The following ST6GALNAC3 variants were observed in gnomAD, a reference collection of about 807,000 sequenced individuals.
The protein encoded by ST6GALNAC3 is ST6 N-acetylgalactosaminide alpha-2,6-sialyltransferase 3, also known as alpha-N-acetylgalactosaminide alpha-2,6-sialyltransferase 3.
ST6GALNAC3 carries 25 observed loss-of-function variants against 32.7 expected under a neutral mutation model. That is an observed-to-expected ratio of 0.76 (90% CI 0.56 to 1.07). The LOEUF is 1.07. ST6GALNAC3 is among the 50% of genes least tolerant of loss of function. The pLI is 0.00. For missense variants in ST6GALNAC3, 355 were observed against 382.4 expected, an observed-to-expected ratio of 0.93 and a Z score of 0.60; for synonymous variants, 129 against 133.1, an observed-to-expected ratio of 0.97 and a Z score of 0.21.
intron 3 of ST6GALNAC3, among the ~76,000 whole-genome samples, chr1:76,597,812 G>A (rs1013724858): frequency 4.6e-5 from 7 of 152,088 alleles, no homozygotes; most frequent in Non-Finnish European, 7.4e-5. Flanking sequence ...GGTCTACACC[G>A]TTTCCAATGA....
rs149730634 is a variant in ST6GALNAC3 at position 76,374,767 on chromosome 1, A to G, written c.214-37241A>G. ...CTTAATTTTACATTAATATTGACAC[A>G]CATCCACCCAGACCCATATTAAATT... On this transcript the variant is annotated intron_variant, in intron 2 of 4. Transcript: ENST00000328299. Among the ~76,000 whole-genome samples the G allele has an allele frequency of 6.3e-3, 966 of 152,272 alleles. 11 individuals carry two copies. Among genetic ancestry groups the G allele is most frequent in the Admixed American group, 0.017 (264 of 15,288 alleles).
chr1:76,514,832 T>C (rs1019138081), intron 3 of ST6GALNAC3, among the ~76,000 whole-genome samples: 1 of 152,206 alleles, frequency 6.6e-6, no homozygotes, highest in Non-Finnish European at 1.5e-5. Context: ...GATTTGCATA[T>C]GTTGAACCAT....
chr1:76,204,542 A>T (rs1206939098), intron 1 of ST6GALNAC3, among the ~76,000 whole-genome samples: 1 of 151,996 alleles, frequency 6.6e-6, no homozygotes, highest in Non-Finnish European at 1.5e-5. Flanking sequence ...TTTTTATTCC[A>T]CTGTGGAGGT....
intron 1 of ST6GALNAC3, among the ~76,000 whole-genome samples, chr1:76,236,501 A>G (rs1176034775): frequency 6.6e-6 from 1 of 152,164 alleles, no homozygotes; most frequent in Non-Finnish European, 1.5e-5. Context: ...CTACTTGAGA[A>G]CCTACTAAGT....
chr1:76,228,704 A>G (rs1420418147), intron 1 of ST6GALNAC3, among the ~76,000 whole-genome samples: 1 of 152,224 alleles, frequency 6.6e-6, no homozygotes, highest in Non-Finnish European at 1.5e-5. Flanking sequence ...GAAAAATGTT[A>G]TCGCTGTAAA....
chr1:76,623,129 G>T (rs1369002029), intron 3 of ST6GALNAC3, among the ~76,000 whole-genome samples: 1 of 151,904 alleles, frequency 6.6e-6, no homozygotes, highest in Non-Finnish European at 1.5e-5. Flanking sequence ...CAAGGGTAAA[G>T]TAGCTTATAT....
At chr1:76,469,493 G>A (rs572599420) in intron 3 of ST6GALNAC3, among the ~76,000 whole-genome samples, 7 of 152,178 alleles carry the variant, frequency 4.6e-5, no homozygotes, top group African/African-American at 1.2e-4. Flanking sequence ...AAGTATTAAG[G>A]TAAGCTGAAA....
chr1:76,236,644 A>T (rs541999358), intron 1 of ST6GALNAC3, among the ~76,000 whole-genome samples: 6 of 152,122 alleles, frequency 3.9e-5, no homozygotes, highest in Non-Finnish European at 8.8e-5. Context: ...GATGTACCTG[A>T]GGCTTCACAA....
At chr1:76,254,186 G>A (rs962492208) in intron 1 of ST6GALNAC3, among the ~76,000 whole-genome samples, 3 of 152,072 alleles carry the variant, frequency 2.0e-5, no homozygotes, top group Admixed American at 6.6e-5. Flanking sequence ...AATTTAGCAC[G>A]CGATTTTCCT....
chr1:76,303,051 T>C (rs1008223306), intron 1 of ST6GALNAC3, among the ~76,000 whole-genome samples: 1 of 101,472 alleles, frequency 9.9e-6, no homozygotes, highest in Non-Finnish European at 2.4e-5. Flanking sequence ...ACCAGTCCGA[T>C]TGGTTGCAGA....
At chr1:76,434,307 TGTGAACATAGGCA>T (rs766223268) in intron 3 of ST6GALNAC3, among the ~76,000 whole-genome samples, 9 of 152,234 alleles carry the variant, frequency 5.9e-5, no homozygotes, top group Non-Finnish European at 1.3e-4. Context: ...CACAGTCCAT[TGTGAACATAGGCA>T]TGGTATTTCA....
At chr1:76,481,497 T>C (rs11162162) in intron 3 of ST6GALNAC3, among the ~76,000 whole-genome samples, 27,121 of 152,008 alleles carry the variant, frequency 0.18, 2,971 homozygotes, top group African/African-American at 0.31. Flanking sequence ...TAGACTTCTA[T>C]ATTTTGCTTC....
At chr1:76,518,163 TG>T (rs1251671663) in intron 3 of ST6GALNAC3, among the ~76,000 whole-genome samples, 1 of 152,014 alleles carries the variant, frequency 6.6e-6, no homozygotes, top group Non-Finnish European at 1.5e-5. Flanking sequence ...CTTATATTTT[TG>T]ATGCATGTTG....
intron 3 of ST6GALNAC3, among the ~76,000 whole-genome samples, chr1:76,464,904 C>T (rs74089955): frequency 4.3e-4 from 65 of 152,132 alleles, no homozygotes; most frequent in Non-Finnish European, 7.8e-4. Flanking sequence ...CCCACTATTT[C>T]ATCTCCCCAA....
intron 3 of ST6GALNAC3, among the ~76,000 whole-genome samples, chr1:76,536,654 C>CAAAAAAAA (rs35157329): frequency 1.7e-5 from 1 of 57,614 alleles, no homozygotes; most frequent in Non-Finnish European, 3.2e-5. Context: ...AAATGGAAAG[C>CAAAAAAAA]AAAAAAAAAA....
At chr1:76,496,323 G>A (rs1660845443) in intron 3 of ST6GALNAC3, among the ~76,000 whole-genome samples, 1 of 152,166 alleles carries the variant, frequency 6.6e-6, no homozygotes, top group Admixed American at 6.6e-5. Context: ...AAGGCAGAAG[G>A]CAATTATGTA....
At chr1:76,386,593 T>C (rs2101133154) in intron 2 of ST6GALNAC3, among the ~76,000 whole-genome samples, 1 of 152,292 alleles carries the variant, frequency 6.6e-6, no homozygotes, top group African/African-American at 2.4e-5. Flanking sequence ...TAGGGGCTAT[T>C]ATCTACAGGT....
At chr1:76,081,085 A>G (rs1646887782) in intron 1 of ST6GALNAC3, among the ~76,000 whole-genome samples, 1 of 152,198 alleles carries the variant, frequency 6.6e-6, no homozygotes, top group African/African-American at 2.4e-5. Flanking sequence ...TTTATTACAA[A>G]TGAAGACACT....
intron 2 of ST6GALNAC3, among the ~76,000 whole-genome samples, chr1:76,317,308 T>C (rs1411689142): frequency 6.6e-6 from 1 of 152,140 alleles, no homozygotes; most frequent in Non-Finnish European, 1.5e-5. Flanking sequence ...GCGCAATCCG[T>C]TGCAGAAATG....
Sources: allele counts gnomAD v4.1 joint callset (sites outside exome capture counted in the v4.1 genomes callset), GRCh38; gene constraint gnomAD v4.1.1; transcripts MANE v1.5; gene names NCBI Gene and HGNC (gene_info 2026-07-23, HGNC 2026-07-21).